KIAA1549L: variants seen among roughly 807,000 people sequenced by gnomAD.
KIAA1549L encodes the protein UPF0606 protein KIAA1549L.
Under a neutral mutation model 160.7 loss-of-function variants are expected in KIAA1549L, and 88 were observed. The ratio of observed to expected loss-of-function variants is 0.55; its 90% CI spans 0.46 to 0.65. KIAA1549L has a LOEUF of 0.65. Among genes scored for constraint, KIAA1549L ranks in the 30% least tolerant of loss-of-function variants. The pLI, the probability that KIAA1549L is intolerant of heterozygous loss-of-function variation, is 0.00. For synonymous variants in KIAA1549L, 950 were observed against 976.7 expected, an observed-to-expected ratio of 0.97 and a Z score of 0.51; for missense variants, 2,258 against 2,437.5, an observed-to-expected ratio of 0.93 and a Z score of 1.55.
rs532207115 is a variant in KIAA1549L, at chr11:33,450,247, G to A, written c.238+73358G>A. 6.6e-5 allele frequency among the ~76,000 whole-genome samples: 10 copies of A among 152,198 alleles called. No individual in the cohort carries two copies. The South Asian group carries it at 2.1e-3, about 32-fold the overall frequency. Reference sequence around the variant, plus strand: ...GGCGAGTTGGGCTTTCCATTTAGGTGCAATCAAAGACGTATCCGTAGAAAA... The same window carrying A: ...GGCGAGTTGGGCTTTCCATTTAGGTACAATCAAAGACGTATCCGTAGAAAA... On this transcript the variant is annotated intron_variant, in intron 1 of 20. Transcript: ENST00000658780.
At position 33,583,454 on chromosome 11, in the gene KIAA1549L, AACG is replaced by A; in HGVS notation, c.4522_4524del (p.Asp1508del). The A allele has an allele frequency of 6.3e-7, 1 of 1,586,474 alleles. No individual in the cohort carries two copies. Among genetic ancestry groups the A allele is most frequent in the African/African-American group, 1.3e-5 (1 of 74,540 alleles). The stretch of plus-strand genomic sequence containing the variant: ...TGCCGTGCTCTGCAGGAAGAACAAG[AACG>A]ACTTCAAGCCTGACACCATGATAAA... On this transcript the variant is annotated inframe_deletion, in exon 11 of 21. Transcript: ENST00000658780.
At chr11:33,468,011 G>A (rs764387070) in intron 1 of KIAA1549L, among the ~76,000 whole-genome samples, 2 of 152,190 alleles carry the variant, frequency 1.3e-5, no homozygotes, top group Admixed American at 6.5e-5. Context: ...GCCTTTTCCA[G>A]ACAGCCACAT....
intron 1 of KIAA1549L, among the ~76,000 whole-genome samples, chr11:33,505,210 G>T (rs963303230): frequency 2.0e-5 from 3 of 152,136 alleles, no homozygotes; most frequent in Non-Finnish European, 2.9e-5. Context: ...CCTCCTGCTC[G>T]CCTCAGAAGA....
rs751230781 is a variant in KIAA1549L at position 33,549,770 on chromosome 11, G to A, written c.3502-1270G>A. 3.9e-5 allele frequency among the ~76,000 whole-genome samples: 6 copies of A among 152,154 alleles called. No individual in the cohort carries two copies. The South Asian group carries it at 1.0e-3, about 26-fold the overall frequency. On this transcript the variant is annotated intron_variant, in intron 4 of 20. Transcript: ENST00000658780. ...TATAATCCCAACACTTTGGGAGGCCGAGGTGGGAGGGTCACTTGAGGCCAG... is the reference window on the plus strand; with the variant it reads ...TATAATCCCAACACTTTGGGAGGCCAAGGTGGGAGGGTCACTTGAGGCCAG...
At chr11:33,454,240 C>A (rs1355400999) in intron 1 of KIAA1549L, among the ~76,000 whole-genome samples, 1 of 152,104 alleles carries the variant, frequency 6.6e-6, no homozygotes, top group South Asian at 2.1e-4. Flanking sequence ...TTATTTATAC[C>A]CTATTCCTAC....
At chr11:33,416,195 A>T (rs1850885876) in intron 1 of KIAA1549L, among the ~76,000 whole-genome samples, 1 of 152,198 alleles carries the variant, frequency 6.6e-6, no homozygotes, top group African/African-American at 2.4e-5. Context: ...TTCTTGGGCC[A>T]CAGGACTCCT....
intron 1 of KIAA1549L, among the ~76,000 whole-genome samples, chr11:33,418,071 A>T (rs535679911): frequency 6.6e-6 from 1 of 152,166 alleles, no homozygotes; most frequent in South Asian, 2.1e-4. Context: ...GAGCCACCAC[A>T]CCTGGTTCCT....
rs16924442 is a variant in KIAA1549L, at chr11:33,567,965, G to C, written c.4079-111G>C. The C allele has an allele frequency of 0.014, 16,057 of 1,146,330 alleles. 1,406 individuals carry two copies. The African/African-American group carries it at 0.2, about 14-fold the overall frequency. The allele number at this position is 1,146,330 out of a possible 1,614,324, so 71.0% of individuals were successfully genotyped here. A position where few individuals can be genotyped will look rare whatever the true frequency, so the allele number is the denominator to read the frequency against. ...TAAGGTTGGCCAAGCCCTAACATGAGGTAGGACACAGTGGCCCTTGGTGGC... is the reference window on the plus strand; with the variant it reads ...TAAGGTTGGCCAAGCCCTAACATGACGTAGGACACAGTGGCCCTTGGTGGC... On this transcript the variant is annotated intron_variant, in intron 8 of 20. Transcript: ENST00000658780.
chr11:33,655,963 C>T (rs750298871), intron 17 of KIAA1549L, 49 bp from the exon 18 acceptor site: 88 of 1,316,490 alleles, frequency 6.7e-5, no homozygotes, highest in Middle Eastern at 1.8e-4. Context: ...GTGTGCTGAT[C>T]GACCCTGGGT....
chr11:33,523,541 A>G (rs1314335670), intron 1 of KIAA1549L, among the ~76,000 whole-genome samples: 1 of 152,236 alleles, frequency 6.6e-6, no homozygotes, highest in African/African-American at 2.4e-5. Context: ...ATGTAACAAA[A>G]TTCTCTGTGA....
intron 1 of KIAA1549L, among the ~76,000 whole-genome samples, chr11:33,397,333 C>CA (rs56097253): frequency 0.12 from 16,450 of 135,040 alleles, 1,540 homozygotes; most frequent in African/African-American, 0.27. Context: ...GACTCTGTGT[C>CA]AAAAAAAAAA....
At chr11:33,473,771 C>T (rs539853203) in intron 1 of KIAA1549L, among the ~76,000 whole-genome samples, 98 of 152,250 alleles carry the variant, frequency 6.4e-4, no homozygotes, top group Admixed American at 4.5e-3. Flanking sequence ...AATAACCTTT[C>T]CTATCTTCTC....
At position 33,579,337 on chromosome 11, in the gene KIAA1549L, C is replaced by G. The variant is rs185419318; in HGVS notation, c.4403-4001C>G. On this transcript the variant is annotated intron_variant, in intron 10 of 20. Coordinates refer to ENST00000658780, the MANE Select transcript of KIAA1549L (RefSeq NM_012194.3). Reference sequence around the variant, plus strand: ...ACCCGACAATATCCCACGGGCATCCCTGTGATATGTGTCATCATCCCCTTA... The same window carrying G: ...ACCCGACAATATCCCACGGGCATCCGTGTGATATGTGTCATCATCCCCTTA... Among the ~76,000 whole-genome samples, 4 of 152,214 alleles carry G rather than the reference C, an allele frequency of 2.6e-5. No individual in the cohort carries two copies. The East Asian group carries it at 5.8e-4, about 22-fold the overall frequency.
chr11:33,507,427 A>T lies in KIAA1549L; in HGVS notation c.239-34375A>T, dbSNP rs113227254. On this transcript the variant is annotated intron_variant, in intron 1 of 20. Transcript: ENST00000658780. ...GGTTTTTGAGAAGTTCTTGAAACAA[A>T]TAATAACATTTTTGCAGCTTTGATC... 1.3e-3 allele frequency among the ~76,000 whole-genome samples: 194 copies of T among 152,342 alleles called. 4 individuals are homozygous for T. Among genetic ancestry groups the T allele is most frequent in the African/African-American group, 4.5e-3 (187 of 41,574 alleles).
At chr11:33,646,976 T>C (rs188169338) in intron 17 of KIAA1549L, among the ~76,000 whole-genome samples, 22 of 152,338 alleles carry the variant, frequency 1.4e-4, no homozygotes, top group Admixed American at 3.3e-4. Context: ...GGGGAAATTG[T>C]TTAAATTCTT....
chr11:33,420,469 C>T (rs1016053426), intron 1 of KIAA1549L, among the ~76,000 whole-genome samples: 4 of 152,082 alleles, frequency 2.6e-5, no homozygotes, highest in African/African-American at 9.7e-5. Flanking sequence ...CCAAGTGATC[C>T]ACCCACCTTG....
chr11:33,543,580 C>T lies in KIAA1549L; in HGVS notation c.2017C>T (p.Pro673Ser), dbSNP rs997811616. 3.1e-6 allele frequency: 5 copies of T among 1,613,920 alleles called. No homozygotes were observed. The African/African-American group carries it at 5.3e-5, about 17-fold the overall frequency. Residue 673 changes from proline (P) to serine (S), a missense_variant, in exon 2 of 21, where the codon CCC becomes TCC. Physicochemically the swap from Pro to Ser is moderately conservative, Grantham distance 74. Coordinates refer to ENST00000658780, the MANE Select transcript of KIAA1549L (RefSeq NM_012194.3). ...ASASKQVRASPSSMDVYDSLT... is the reference protein window; with the variant it reads ...ASASKQVRASSSSMDVYDSLT... ...AGCTTCCAAACAGGTGAGAGCATCG[C>T]CCTCCTCCATGGATGTATATGATTC... is the stretch of plus-strand genomic sequence containing the variant.
At chr11:33,605,526 C>T (rs1316024081) in intron 13 of KIAA1549L, among the ~76,000 whole-genome samples, 1 of 152,142 alleles carries the variant, frequency 6.6e-6, no homozygotes, top group Non-Finnish European at 1.5e-5. Flanking sequence ...CCAATTATAA[C>T]CCATTGTTAG....
At chr11:33,612,693 A>T (rs187776502) in intron 15 of KIAA1549L, among the ~76,000 whole-genome samples, 26 of 150,632 alleles carry the variant, frequency 1.7e-4, no homozygotes, top group Non-Finnish European at 3.4e-4. Context: ...TGTATGGATT[A>T]TTTCATCACT....
Sources: allele counts gnomAD v4.1 joint callset (sites outside exome capture counted in the v4.1 genomes callset), GRCh38; gene constraint gnomAD v4.1.1; transcripts MANE v1.5; gene names NCBI Gene and HGNC (gene_info 2026-07-23, HGNC 2026-07-21).